TCF12: variants seen among roughly 807,000 people sequenced by gnomAD.
The protein encoded by TCF12 is DNA-binding protein HTF4.
In TCF12, 45 loss-of-function variants were observed where a neutral mutation model predicts 86.0. The observed-to-expected ratio is 0.52, with a 90% CI of 0.41 to 0.67. The LOEUF (loss-of-function observed/expected upper bound fraction) is 0.67, where lower values mean the gene tolerates loss of function less well. Ranked by LOEUF, TCF12 falls within the 30% of genes least tolerant of loss-of-function variation. The probability of loss-of-function intolerance (pLI) is 0.00; values close to 1 mark genes in which losing one functional copy is unlikely to be tolerated. For missense variants in TCF12, 881 were observed against 859.9 expected, an observed-to-expected ratio of 1.02 and a Z score of -0.31; for synonymous variants, 330 against 299.6, an observed-to-expected ratio of 1.10 and a Z score of -1.05.
At chr15:57,096,399 GA>G (rs1226920021) in intron 5 of TCF12, among the ~76,000 whole-genome samples, 5 of 145,882 alleles carry the variant, frequency 3.4e-5, no homozygotes, top group South Asian at 2.2e-4. Context: ...TTATTTAAAG[GA>G]AAAAAAAAAG....
At chr15:57,043,910 G>A (rs1041143606) in intron 3 of TCF12, among the ~76,000 whole-genome samples, 7 of 151,398 alleles carry the variant, frequency 4.6e-5, no homozygotes, top group Non-Finnish European at 7.4e-5. Flanking sequence ...AGTTTTCCCC[G>A]TCATGCATTG....
intron 5 of TCF12, among the ~76,000 whole-genome samples, chr15:57,145,945 C>G (rs1055526939): frequency 9.2e-5 from 14 of 152,200 alleles, no homozygotes; most frequent in Non-Finnish European, 1.9e-4. Flanking sequence ...TTCAGATCAT[C>G]TGGTATGGTA....
chr15:57,135,682 A>G (rs2052469479), intron 5 of TCF12, among the ~76,000 whole-genome samples: 1 of 152,220 alleles, frequency 6.6e-6, no homozygotes, highest in South Asian at 2.1e-4. Context: ...GCAGTATATC[A>G]CATATAATAG....
intron 4 of TCF12, among the ~76,000 whole-genome samples, chr15:57,084,588 A>G (rs965781413): frequency 6.6e-6 from 1 of 152,086 alleles, no homozygotes; most frequent in Non-Finnish European, 1.5e-5. Context: ...ATTTCAACAA[A>G]CTCCCAGAAT....
chr15:57,282,028 C>A (rs1257914478), intron 19 of TCF12, among the ~76,000 whole-genome samples: 1 of 152,058 alleles, frequency 6.6e-6, no homozygotes, highest in African/African-American at 2.4e-5. Flanking sequence ...TTATCCTTTT[C>A]TGAACTGGTA....
intron 5 of TCF12, among the ~76,000 whole-genome samples, chr15:57,152,157 AT>A (rs2053807641): frequency 6.6e-6 from 1 of 152,216 alleles, no homozygotes; most frequent in Admixed American, 6.5e-5. Context: ...GATTGTCTGA[AT>A]TTCTCACTCT....
chr15:57,124,509 G>A (rs1390316170), intron 5 of TCF12, among the ~76,000 whole-genome samples: 1 of 152,066 alleles, frequency 6.6e-6, no homozygotes, highest in Non-Finnish European at 1.5e-5. Context: ...TACCATGGGT[G>A]TTCCAGACTT....
At chr15:57,165,761 C>T (rs1234234360) in intron 5 of TCF12, among the ~76,000 whole-genome samples, 1 of 152,092 alleles carries the variant, frequency 6.6e-6, no homozygotes, top group African/African-American at 2.4e-5. Context: ...TTGTCTTGAT[C>T]TCCTTACCTC....
intron 19 of TCF12, chr15:57,281,539 A>T (rs1394553261): frequency 6.6e-6 from 1 of 152,248 alleles, no homozygotes; most frequent in Non-Finnish European, 1.5e-5. Flanking sequence ...GCAGAGAGCA[A>T]TCCAGCAAAG....
At chr15:56,949,772 C>A (rs2543675) in intron 3 of TCF12, among the ~76,000 whole-genome samples, 108,479 of 152,094 alleles carry the variant, frequency 0.71, 39,012 homozygotes, top group Non-Finnish European at 0.75. Context: ...CAGATAAATA[C>A]TAATACAACC....
intron 6 of TCF12, 112 bp from the exon 7 acceptor site, chr15:57,192,046 G>T: frequency 1.6e-6 from 2 of 1,238,600 alleles, no homozygotes; most frequent in Admixed American, 2.1e-5. Flanking sequence ...TAATGGGTGC[G>T]TTCTAAGTTA....
chr15:57,075,800 T>TCTCTCTCTCTCTCTCTCTCTCTCTCTCTC (rs1567370475), intron 4 of TCF12, among the ~76,000 whole-genome samples: 1 of 20,486 alleles, frequency 4.9e-5, no homozygotes, highest in Non-Finnish European at 1.1e-4. Flanking sequence ...CTTTCTTTCT[T>TCTCTCTCTCTCTCTCTCTCTCTCTCTCTC]TCTTTCTCTC....
intron 8 of TCF12, among the ~76,000 whole-genome samples, chr15:57,202,687 A>G (rs1163114647): frequency 1.3e-5 from 2 of 151,890 alleles, no homozygotes; most frequent in African/African-American, 4.8e-5. Context: ...CACCTACCTC[A>G]GCCTCCCGAA....
intron 3 of TCF12, among the ~76,000 whole-genome samples, chr15:56,939,624 G>A (rs142295154): frequency 3.9e-5 from 6 of 152,228 alleles, no homozygotes; most frequent in African/African-American, 1.4e-4. Flanking sequence ...CATGCTTTGA[G>A]GTTAATAAAC....
At chr15:56,918,283 C>T, upstream of TCF12, 1 of 456,068 alleles carries the variant, frequency 2.2e-6, no homozygotes, top group Non-Finnish European at 4.4e-6. Context: ...GATCCAGATG[C>T]TTCCACAGCT....
chr15:57,197,384 C>G (rs1224056273), intron 7 of TCF12, among the ~76,000 whole-genome samples: 1 of 152,028 alleles, frequency 6.6e-6, no homozygotes, highest in African/African-American at 2.4e-5. Context: ...TCTCAAACTC[C>G]TGACCTCAGG....
intron 18 of TCF12, among the ~76,000 whole-genome samples, chr15:57,263,793 C>A (rs1417464473): frequency 6.6e-6 from 1 of 152,052 alleles, no homozygotes; most frequent in Non-Finnish European, 1.5e-5. Context: ...GTGCTGTAGG[C>A]AATTGTAACA....
intron 6 of TCF12, among the ~76,000 whole-genome samples, chr15:57,169,486 T>C (rs1294923971): frequency 2.6e-5 from 4 of 152,234 alleles, no homozygotes; most frequent in Non-Finnish European, 5.9e-5. Flanking sequence ...ATTAGCCATT[T>C]CTGCTTCTGC....
At chr15:57,199,858 TG>T (rs2057448235) in intron 8 of TCF12, among the ~76,000 whole-genome samples, 1 of 152,140 alleles carries the variant, frequency 6.6e-6, no homozygotes, top group Admixed American at 6.5e-5. Context: ...TAAAATGCTG[TG>T]TTGAAACCTC....
Sources: gnomAD v4.1 joint callset for allele counts (sites outside exome capture counted in the v4.1 genomes callset) on GRCh38, gnomAD v4.1.1 for gene constraint, MANE v1.5 for transcripts, NCBI Gene and HGNC (gene_info 2026-07-23, HGNC 2026-07-21) for gene names.